Variants in ALDH1L1 observed in about 807,000 individuals in gnomAD.
ALDH1L1 encodes cytosolic 10-formyltetrahydrofolate dehydrogenase.
In ALDH1L1, 68 loss-of-function variants were observed where a neutral mutation model predicts 101.1. That is an observed-to-expected ratio of 0.67 (90% CI 0.55 to 0.82). The LOEUF (loss-of-function observed/expected upper bound fraction) is 0.82. Among genes scored for constraint, ALDH1L1 ranks in the 40% least tolerant of loss-of-function variants. ALDH1L1 has a pLI of 0.00. For synonymous variants in ALDH1L1, 486 were observed against 470.8 expected (o/e 1.03, Z -0.42); for missense variants, 1,087 against 1,172.7 (o/e 0.93, Z 1.07).
At position 126,131,299 on chromosome 3, in the gene ALDH1L1, C is replaced by A. The variant is rs973838077; in HGVS notation, c.1623+85G>T. ...TTGTGGTCATTTGCTGCGCAGCATG[C>A]AGATGACTGTGCTGCCCTTGGAGTT... On this transcript the variant is annotated intron_variant, in intron 13 of 22. Coordinates refer to ENST00000393434, the MANE Select transcript of ALDH1L1 (RefSeq NM_012190.4). The A allele has an allele frequency of 6.3e-6, 9 of 1,422,458 alleles. No homozygotes were observed. The African/African-American group carries it at 1.3e-4, about 20-fold the overall frequency. The allele number at this position is 1,422,458 out of a possible 1,614,324, so 88.1% of individuals were successfully genotyped here. A position where few individuals can be genotyped will look rare whatever the true frequency, so the allele number is the denominator to read the frequency against.
intron 1 of ALDH1L1, among the ~76,000 whole-genome samples, chr3:126,172,144 C>A (rs190582187): frequency 5.3e-5 from 8 of 152,284 alleles, no homozygotes; most frequent in East Asian, 1.9e-4. Context: ...ACCTCAGTAC[C>A]TTTTACCCAA....
chr3:126,162,542 T>A (rs182972444), intron 1 of ALDH1L1, among the ~76,000 whole-genome samples: 1 of 152,338 alleles, frequency 6.6e-6, no homozygotes, highest in African/African-American at 2.4e-5. Flanking sequence ...GAAAAGGAGT[T>A]TTTTTGTATT....
Position 126,158,416 on chromosome 3 carries a change from C to T in ALDH1L1, c.351G>A (p.Ser117=), listed in dbSNP as rs201785268. ...PSLLPRHRGA[S]AINWTLIHGD... is the part of the protein sequence containing the mutation. Reference sequence around the variant, plus strand: ...TTGCCCCATCTCACCAGTTGATGGCCGAGGCCCCTCGGTGCCTAGGGAGCA... The same window carrying T: ...TTGCCCCATCTCACCAGTTGATGGCTGAGGCCCCTCGGTGCCTAGGGAGCA... The change falls in exon 3 of 23, where the codon TCG becomes TCA. Residue 117 remains serine, a synonymous_variant. Coordinates refer to ENST00000393434, the MANE Select transcript of ALDH1L1 (RefSeq NM_012190.4). 1.0e-5 allele frequency: 16 copies of T among 1,595,288 alleles called. No individual in the cohort carries two copies. Among genetic ancestry groups the T allele is most frequent in the African/African-American group, 1.3e-5 (1 of 74,588 alleles).
chr3:126,190,999 C>A (rs149368498), intron 1 of ALDH1L1, among the ~76,000 whole-genome samples: 34 of 152,174 alleles, frequency 2.2e-4, no homozygotes, highest in African/African-American at 1.7e-4. Flanking sequence ...AACAGCATAC[C>A]CCACCTGACA....
upstream of ALDH1L1, among the ~76,000 whole-genome samples, chr3:126,184,752 T>A (rs1387212210): frequency 1.3e-5 from 2 of 152,228 alleles, no homozygotes; most frequent in African/African-American, 4.8e-5. Flanking sequence ...TAATGATGAT[T>A]CAGCTTGTTT....
chr3:126,170,242 C>G (rs773223286), intron 1 of ALDH1L1, among the ~76,000 whole-genome samples: 1 of 152,010 alleles, frequency 6.6e-6, no homozygotes, highest in South Asian at 2.1e-4. Flanking sequence ...GACACCCTCG[C>G]GGGAACTGCT....
At chr3:126,116,295 G>A (rs2079970836) in intron 17 of ALDH1L1, among the ~76,000 whole-genome samples, 1 of 151,812 alleles carries the variant, frequency 6.6e-6, no homozygotes, top group African/African-American at 2.4e-5. Flanking sequence ...CCAGGCTGGA[G>A]TGCAGTGCGT....
intron 17 of ALDH1L1, among the ~76,000 whole-genome samples, chr3:126,117,115 C>T (rs926694692): frequency 1.8e-4 from 28 of 151,610 alleles, no homozygotes; most frequent in Admixed American, 7.9e-4. Context: ...TATGGTGGCA[C>T]GTGTCTGTAG....
At chr3:126,147,484 CCT>C (rs2080719525) in intron 8 of ALDH1L1, among the ~76,000 whole-genome samples, 1 of 152,206 alleles carries the variant, frequency 6.6e-6, no homozygotes, top group South Asian at 2.1e-4. Context: ...CAGTCTGGGA[CCT>C]ATGGAGGGCA....
chr3:126,121,979 C>T (rs149841022), intron 16 of ALDH1L1, among the ~76,000 whole-genome samples: 84 of 152,292 alleles, frequency 5.5e-4, no homozygotes, highest in Non-Finnish European at 1.1e-3. Context: ...GAAGACTCTA[C>T]CTCAGGTGTG....
intron 20 of ALDH1L1, among the ~76,000 whole-genome samples, chr3:126,109,106 G>T (rs372018188): frequency 2.0e-5 from 3 of 152,106 alleles, no homozygotes; most frequent in African/African-American, 4.8e-5. Context: ...TTAAATGAGG[G>T]TCACAGAAAG....
chr3:126,126,243 C>A (rs1008551024), intron 14 of ALDH1L1, among the ~76,000 whole-genome samples: 2 of 152,138 alleles, frequency 1.3e-5, no homozygotes, highest in Admixed American at 1.3e-4. Context: ...GGTTCTAGAG[C>A]GAGCCTCTGG....
intron 1 of ALDH1L1, among the ~76,000 whole-genome samples, chr3:126,178,078 G>T (rs1254767719): frequency 4.6e-5 from 7 of 150,692 alleles, no homozygotes; most frequent in Admixed American, 4.6e-4. Context: ...TCCTATCAAT[G>T]CATGATGTTA....
At position 126,137,854 on chromosome 3, in the gene ALDH1L1, G is replaced by A. The variant is rs1272597042; in HGVS notation, c.1183C>T (p.Leu395=). The change falls in exon 10 of 23, where the codon CTG becomes TTG. Residue 395 remains leucine, a synonymous_variant. Coordinates refer to ENST00000393434, the MANE Select transcript of ALDH1L1 (RefSeq NM_012190.4). ...GDFIQLLVRK[L]RGDDEEGECS... is the part of the protein sequence containing the mutation. ...TCGCCCTCCTCATCGTCCCCTCGCA[G>A]CTTCCTCACTAACAGCTGGATGAAG... 6.2e-7 allele frequency: 1 copy of A among 1,614,084 alleles called. No individual in the cohort carries two copies. Among genetic ancestry groups the A allele is most frequent in the Non-Finnish European group, 8.5e-7 (1 of 1,180,048 alleles).
chr3:126,185,811 A>G (rs866077744), upstream of ALDH1L1, among the ~76,000 whole-genome samples: 7 of 152,360 alleles, frequency 4.6e-5, no homozygotes, highest in Middle Eastern at 3.4e-3. Context: ...TATTTTGCAA[A>G]GTAAAAACAT....
In ALDH1L1 at chr3:126,114,607, A is replaced by G. The variant is rs1559919086; in HGVS notation, c.2032T>C (p.Ser678Pro). The change falls in exon 18 of 23, where the codon TCA becomes CCA. Residue 678 changes from serine (S) to proline (P), a missense_variant. Ser to Pro is a moderately conservative substitution (Grantham distance 74). Transcript: ENST00000393434. ...KKVSLELGGK[S>P]PLIIFADCDL... Reference sequence around the variant, plus strand: ...CAGTCAGCAAAGATGATGAGGGGTGACTTCCCGCCCAGTTCCAGGGACACC... The same window carrying G: ...CAGTCAGCAAAGATGATGAGGGGTGGCTTCCCGCCCAGTTCCAGGGACACC... 1 of 1,512,036 alleles carries G rather than the reference A, an allele frequency of 6.6e-7. No individual in the cohort carries two copies. Among genetic ancestry groups the G allele is most frequent in the Admixed American group, 2.3e-5 (1 of 44,018 alleles). The allele number at this position is 1,512,036 out of a possible 1,614,324, so 93.7% of individuals were successfully genotyped here.
At chr3:126,123,440 T>C (rs751029552) in intron 16 of ALDH1L1, among the ~76,000 whole-genome samples, 6 of 152,144 alleles carry the variant, frequency 3.9e-5, no homozygotes, top group Non-Finnish European at 7.4e-5. Flanking sequence ...GTATTTTTAA[T>C]AGAGACGGGG....
chr3:126,131,659 T>A, intron 12 of ALDH1L1, 125 bp from the exon 13 acceptor site: 1 of 1,113,838 alleles, frequency 9.0e-7, no homozygotes, highest in Non-Finnish European at 1.2e-6. Flanking sequence ...CTCTCAGATG[T>A]GCGGACCTCC....
upstream of ALDH1L1, among the ~76,000 whole-genome samples, chr3:126,184,522 A>T (rs2081500952): frequency 6.6e-6 from 1 of 152,234 alleles, no homozygotes; most frequent in South Asian, 2.1e-4. Flanking sequence ...CTGCAGTGAC[A>T]GTGGCTGGAT....
Sources: allele counts gnomAD v4.1 joint callset (sites outside exome capture counted in the v4.1 genomes callset), GRCh38; gene constraint gnomAD v4.1.1; transcripts MANE v1.5; gene names NCBI Gene and HGNC (gene_info 2026-07-23, HGNC 2026-07-21).